TNFAIP8: variants seen among roughly 807,000 people sequenced by gnomAD.
TNFAIP8 encodes the protein TNF alpha induced protein 8.
TNFAIP8 carries 7 observed loss-of-function variants against 13.3 expected under a neutral mutation model. The ratio of observed to expected loss-of-function variants is 0.52; its 90% CI spans 0.30 to 0.99. The LOEUF (loss-of-function observed/expected upper bound fraction) is 0.99, where lower values mean the gene tolerates loss of function less well. Ranked by LOEUF, TNFAIP8 falls within the 50% of genes least tolerant of loss-of-function variation. TNFAIP8 has a pLI of 0.07. For synonymous variants in TNFAIP8, 94 were observed against 87.6 expected (o/e 1.07, Z -0.41); for missense variants, 258 against 236.9 (o/e 1.09, Z -0.58).
intron 1 of TNFAIP8, chr5:119,306,414 C>G (rs954289383): frequency 2.0e-5 from 3 of 149,192 alleles, no homozygotes; most frequent in Non-Finnish European, 2.9e-5. Flanking sequence ...CACTACTGAT[C>G]AGCACAGGAT....
At chr5:119,322,450 T>C (rs146165244) in intron 1 of TNFAIP8, among the ~76,000 whole-genome samples, 22 of 152,346 alleles carry the variant, frequency 1.4e-4, no homozygotes, top group African/African-American at 4.8e-4. Flanking sequence ...CTCTTCTTGC[T>C]GCCTCCCATT....
chr5:119,290,299 C>T (rs797014388), intron 1 of TNFAIP8, among the ~76,000 whole-genome samples: 20 of 152,306 alleles, frequency 1.3e-4, no homozygotes, highest in African/African-American at 4.6e-4. Context: ...CTTGAGGTCT[C>T]CCATAGGATT....
intron 1 of TNFAIP8, among the ~76,000 whole-genome samples, chr5:119,299,913 C>G (rs987263034): frequency 6.6e-6 from 1 of 152,232 alleles, no homozygotes; most frequent in Non-Finnish European, 1.5e-5. Context: ...CCCTCTGAGT[C>G]AGGTGCGGGT....
intron 1 of TNFAIP8, among the ~76,000 whole-genome samples, chr5:119,380,320 G>A (rs1048625922): frequency 6.6e-6 from 1 of 152,366 alleles, no homozygotes; most frequent in South Asian, 2.1e-4. Flanking sequence ...GTTGACCATT[G>A]ATGCCAGCTG....
intron 1 of TNFAIP8, among the ~76,000 whole-genome samples, chr5:119,294,688 C>G (rs1464778614): frequency 1.3e-5 from 2 of 152,172 alleles, no homozygotes; most frequent in Non-Finnish European, 2.9e-5. Flanking sequence ...CTCTCCACAT[C>G]CTCTCCAGCA....
At chr5:119,335,218 C>G (rs1392604633) in intron 1 of TNFAIP8, among the ~76,000 whole-genome samples, 1 of 152,112 alleles carries the variant, frequency 6.6e-6, no homozygotes, top group Non-Finnish European at 1.5e-5. Context: ...TTTCCCAATT[C>G]AGGATAAACT....
In TNFAIP8 at chr5:119,396,213, T is replaced by C. The variant is rs533311478; in HGVS notation, c.*2832T>C. ...GGAACATCTTTGGCTCAGAGAAGCG[T>C]GGGCAGTATGCTGCTGAAATGGTTC... On this transcript the variant is annotated 3_prime_UTR_variant, in exon 2 of 2. Coordinates refer to ENST00000504771, the MANE Select transcript of TNFAIP8 (RefSeq NM_014350.4). 6.6e-6 allele frequency: 1 copy of C among 152,398 alleles called. No homozygotes were observed. Among genetic ancestry groups the C allele is most frequent in the Non-Finnish European group, 1.5e-5 (1 of 68,054 alleles). The allele number at this position is 152,398 out of a possible 1,614,324, so 9.4% of individuals were successfully genotyped here.
chr5:119,320,790 G>C (rs1750030766), intron 1 of TNFAIP8, among the ~76,000 whole-genome samples: 1 of 147,112 alleles, frequency 6.8e-6, no homozygotes, highest in Non-Finnish European at 1.5e-5. Context: ...CTGAATAACT[G>C]TTCTCTCCAA....
chr5:119,284,290 C>T (rs959850322), intron 1 of TNFAIP8, among the ~76,000 whole-genome samples: 1 of 152,052 alleles, frequency 6.6e-6, no homozygotes, highest in African/African-American at 2.4e-5. Flanking sequence ...AGGGCAGTAA[C>T]AGAGCTGGGT....
At chr5:119,375,035 A>AT (rs1239927475) in intron 1 of TNFAIP8, among the ~76,000 whole-genome samples, 2 of 152,186 alleles carry the variant, frequency 1.3e-5, no homozygotes, top group Admixed American at 1.3e-4. Flanking sequence ...ACAGTGGTGA[A>AT]TTTTATGTGA....
At chr5:119,373,591 T>G (rs567233867) in intron 1 of TNFAIP8, among the ~76,000 whole-genome samples, 1 of 152,126 alleles carries the variant, frequency 6.6e-6, no homozygotes. Context: ...GTTAGAGAGG[T>G]TTCAGAAGGG....
chr5:119,309,057 G>C (rs1225150136), intron 1 of TNFAIP8, among the ~76,000 whole-genome samples: 1 of 152,148 alleles, frequency 6.6e-6, no homozygotes. Context: ...GAAGGAGACA[G>C]TTATTTACAT....
At chr5:119,390,443 C>T (rs1752848238) in intron 1 of TNFAIP8, among the ~76,000 whole-genome samples, 1 of 152,110 alleles carries the variant, frequency 6.6e-6, no homozygotes. Context: ...TCTTTATACT[C>T]TTTTGCAAAT....
chr5:119,315,567 C>T lies in TNFAIP8; in HGVS notation c.1+46660C>T, dbSNP rs116408601. ...AGCCACAGTCTAGCTCCCAGGGGAA[C>T]AGTGCCTTTCAGGGGCAGTGCTGTG... On this transcript the variant is annotated intron_variant, in intron 1 of 1. Coordinates refer to the TNFAIP8 transcript ENST00000274456. Among the ~76,000 whole-genome samples the T allele has an allele frequency of 4.6e-3, 705 of 152,290 alleles. 4 individuals are homozygous for T. The highest frequency in any genetic ancestry group is 0.016 in the African/African-American group (664 of 41,562).
At chr5:119,305,358 A>G (rs1749518504) in intron 1 of TNFAIP8, among the ~76,000 whole-genome samples, 1 of 152,234 alleles carries the variant, frequency 6.6e-6, no homozygotes, top group Non-Finnish European at 1.5e-5. Flanking sequence ...GTTTCTAACA[A>G]CTATTAAAAT....
chr5:119,301,848 G>A (rs13172873), intron 1 of TNFAIP8, among the ~76,000 whole-genome samples: 8,859 of 152,188 alleles, frequency 0.058, 578 homozygotes, highest in African/African-American at 0.16. Flanking sequence ...CAGATACTGA[G>A]GATATTCCCA....
chr5:119,396,441 G>A lies in TNFAIP8; in HGVS notation c.*3060G>A, dbSNP rs1270546436. The A allele has an allele frequency of 6.6e-6, 1 of 152,192 alleles. No individual in the cohort carries two copies. The highest frequency in any genetic ancestry group is 1.5e-5 in the Non-Finnish European group (1 of 68,048). 9.4% of individuals were successfully genotyped at this position (152,192 alleles called of 1,614,324 possible). A position where few individuals can be genotyped will look rare whatever the true frequency, so the allele number is the denominator to read the frequency against. On this transcript the variant is annotated 3_prime_UTR_variant, in exon 2 of 2. Coordinates refer to ENST00000504771, the MANE Select transcript of TNFAIP8 (RefSeq NM_014350.4). ...ATGACTTTTAACGTTGACTTCTGAGGTGCAGTGAGCTGCTCCCCCACAGCT... is the reference window on the plus strand; with the variant it reads ...ATGACTTTTAACGTTGACTTCTGAGATGCAGTGAGCTGCTCCCCCACAGCT...
chr5:119,287,016 C>T (rs1219534278), intron 1 of TNFAIP8, among the ~76,000 whole-genome samples: 1 of 152,152 alleles, frequency 6.6e-6, no homozygotes, highest in Non-Finnish European at 1.5e-5. Context: ...GCATCCCTTC[C>T]TTTGCCTGGT....
intron 1 of TNFAIP8, among the ~76,000 whole-genome samples, chr5:119,277,539 C>T (rs1748495255): frequency 6.6e-6 from 1 of 152,110 alleles, no homozygotes; most frequent in South Asian, 2.1e-4. Context: ...TATAAGGATA[C>T]CAATCAAATT....
Sources: allele counts gnomAD v4.1 joint callset (sites outside exome capture counted in the v4.1 genomes callset), GRCh38; gene constraint gnomAD v4.1.1; transcripts MANE v1.5; gene names NCBI Gene and HGNC (gene_info 2026-07-23, HGNC 2026-07-21).